The following CADM2 variants were observed in gnomAD, a reference collection of about 807,000 sequenced individuals.
The protein encoded by CADM2 is cell adhesion molecule 2, also known as immunoglobulin superfamily member 4D.
A neutral mutation model predicts 49.8 loss-of-function variants in CADM2; 12 were observed. That is an observed-to-expected ratio of 0.24 (90% CI 0.15 to 0.39). The LOEUF (loss-of-function observed/expected upper bound fraction) is 0.39. Among genes scored for constraint, CADM2 ranks in the 10% least tolerant of loss-of-function variants. The pLI is 1.00. For missense variants in CADM2, 378 were observed against 492.3 expected, an observed-to-expected ratio of 0.77 and a Z score of 2.20; for synonymous variants, 214 against 175.4, an observed-to-expected ratio of 1.22 and a Z score of -1.74.
chr3:85,756,238 A>C (rs564676431), intron 2 of CADM2, among the ~76,000 whole-genome samples: 1 of 152,254 alleles, frequency 6.6e-6, no homozygotes, highest in Non-Finnish European at 1.5e-5. Flanking sequence ...GGTGACCTTT[A>C]GACATGACTG....
At chr3:85,970,405 C>A (rs1725976449) in intron 8 of CADM2, among the ~76,000 whole-genome samples, 1 of 151,378 alleles carries the variant, frequency 6.6e-6, no homozygotes, top group Non-Finnish European at 1.5e-5. Flanking sequence ...TGCTTATTCA[C>A]AATTATTCTT....
intron 7 of CADM2, among the ~76,000 whole-genome samples, chr3:85,945,354 G>A (rs1161069888): frequency 6.6e-6 from 1 of 152,112 alleles, no homozygotes. Flanking sequence ...GAGGTACAAG[G>A]AGGAGCTGGT....
chr3:85,722,126 G>A (rs1224024847), intron 1 of CADM2, among the ~76,000 whole-genome samples: 1 of 152,078 alleles, frequency 6.6e-6, no homozygotes, highest in Admixed American at 6.5e-5. Context: ...AAGCCCTGAA[G>A]TGGGTAGCTC....
At chr3:85,383,134 C>T (rs1160747659) in intron 1 of CADM2, among the ~76,000 whole-genome samples, 5 of 152,140 alleles carry the variant, frequency 3.3e-5, no homozygotes, top group Non-Finnish European at 7.3e-5. Flanking sequence ...GTAAACAATC[C>T]AGCTGTTCCT....
At chr3:85,438,354 C>T (rs1341366259) in intron 1 of CADM2, among the ~76,000 whole-genome samples, 8 of 114,370 alleles carry the variant, frequency 7.0e-5, no homozygotes, top group African/African-American at 2.1e-4. Flanking sequence ...GGTTCCAAGT[C>T]GTGGTGTTTG....
chr3:85,281,236 TTATC>T (rs1186004835), intron 1 of CADM2, among the ~76,000 whole-genome samples: 4 of 151,902 alleles, frequency 2.6e-5, no homozygotes, highest in African/African-American at 9.7e-5. Context: ...GGAGAAGTGT[TTATC>T]TAAATCATTG....
chr3:85,933,674 A>G (rs989991130), intron 6 of CADM2, among the ~76,000 whole-genome samples: 1 of 152,128 alleles, frequency 6.6e-6, no homozygotes, highest in African/African-American at 2.4e-5. Flanking sequence ...AAGAGTACCA[A>G]TGGTTTAGTT....
chr3:85,639,961 A>C (rs754823562), intron 1 of CADM2, among the ~76,000 whole-genome samples: 3 of 152,222 alleles, frequency 2.0e-5, no homozygotes, highest in Non-Finnish European at 2.9e-5. Context: ...TACAATAGAA[A>C]TGTGACATCC....
intron 1 of CADM2, among the ~76,000 whole-genome samples, chr3:85,592,660 A>G (rs1418481331): frequency 1.3e-5 from 2 of 151,864 alleles, no homozygotes; most frequent in Non-Finnish European, 2.9e-5. Context: ...GGTAAGAAAT[A>G]TAACTTGAGA....
At chr3:86,044,221 T>C (rs1312722215) in intron 8 of CADM2, among the ~76,000 whole-genome samples, 1 of 152,104 alleles carries the variant, frequency 6.6e-6, no homozygotes, top group Admixed American at 6.6e-5. Flanking sequence ...GGGATCTAAT[T>C]AAACTAAAGA....
At chr3:85,516,875 A>G (rs1559881646) in intron 1 of CADM2, among the ~76,000 whole-genome samples, 2 of 152,036 alleles carry the variant, frequency 1.3e-5, no homozygotes, top group African/African-American at 2.4e-5. Context: ...TAATAAATTA[A>G]ATTTATTTAT....
intron 1 of CADM2, among the ~76,000 whole-genome samples, chr3:85,459,960 A>T (rs748295532): frequency 2.0e-5 from 3 of 152,214 alleles, no homozygotes; most frequent in Non-Finnish European, 4.4e-5. Flanking sequence ...AGAGTAAAAA[A>T]GATTAACATA....
At chr3:85,265,996 CT>C (rs1393763615) in intron 1 of CADM2, among the ~76,000 whole-genome samples, 1 of 151,870 alleles carries the variant, frequency 6.6e-6, no homozygotes, top group Non-Finnish European at 1.5e-5. Flanking sequence ...AAGTTGTCAA[CT>C]TTTCAAACAG....
At chr3:85,888,549 A>T (rs1485243309) in intron 5 of CADM2, among the ~76,000 whole-genome samples, 1 of 152,144 alleles carries the variant, frequency 6.6e-6, no homozygotes, top group Admixed American at 6.6e-5. Flanking sequence ...ATGCTCTTCA[A>T]TGCACTGCCA....
At chr3:85,484,004 G>A (rs1393643998) in intron 1 of CADM2, among the ~76,000 whole-genome samples, 1 of 151,432 alleles carries the variant, frequency 6.6e-6, no homozygotes, top group Non-Finnish European at 1.5e-5. Flanking sequence ...ATGTTCTGAG[G>A]GTTTTTTTCT....
At chr3:85,945,402 G>A (rs1722538128) in intron 7 of CADM2, among the ~76,000 whole-genome samples, 1 of 152,104 alleles carries the variant, frequency 6.6e-6, no homozygotes, top group African/African-American at 2.4e-5. Context: ...AATAGAAAAA[G>A]AGGGAATCCT....
chr3:85,834,775 T>G (rs1299031654), intron 3 of CADM2, among the ~76,000 whole-genome samples: 2 of 150,820 alleles, frequency 1.3e-5, no homozygotes, highest in African/African-American at 4.9e-5. Flanking sequence ...GGGTGCATAG[T>G]AATAGAATAA....
intron 1 of CADM2, among the ~76,000 whole-genome samples, chr3:85,181,804 A>C (rs1035619075): frequency 2.7e-5 from 4 of 150,652 alleles, no homozygotes; most frequent in Admixed American, 6.6e-5. Flanking sequence ...ATCTCTCTCT[A>C]TATATTATAT....
chr3:85,192,505 G>A (rs1195041082), intron 1 of CADM2, among the ~76,000 whole-genome samples: 1 of 151,804 alleles, frequency 6.6e-6, no homozygotes, highest in African/African-American at 2.4e-5. Flanking sequence ...TACCCGGTGA[G>A]ATACCAAGAA....
Sources: gnomAD v4.1 joint callset for allele counts (sites outside exome capture counted in the v4.1 genomes callset) on GRCh38, gnomAD v4.1.1 for gene constraint, MANE v1.5 for transcripts, NCBI Gene and HGNC (gene_info 2026-07-23, HGNC 2026-07-21) for gene names.